The following NEGR1 variants were observed in gnomAD, a reference collection of about 807,000 sequenced individuals.
The protein encoded by NEGR1 is neuronal growth regulator 1.
NEGR1 carries 10 observed loss-of-function variants against 40.9 expected under a neutral mutation model. The ratio of observed to expected loss-of-function variants is 0.24; its 90% CI spans 0.15 to 0.42. NEGR1 has a LOEUF of 0.42. Among genes scored for constraint, NEGR1 ranks in the 10% least tolerant of loss-of-function variants. The pLI, the probability that NEGR1 is intolerant of heterozygous loss-of-function variation, is 1.00. For missense variants in NEGR1, 352 were observed against 438.9 expected, an observed-to-expected ratio of 0.80 and a Z score of 1.77; for synonymous variants, 185 against 166.8, an observed-to-expected ratio of 1.11 and a Z score of -0.84.
At position 71,403,333 on chromosome 1, in the gene NEGR1, C is replaced by T. The variant is rs1334663038; in HGVS notation, c.*4113G>A. ...TATACCCAGCTGTTAAGAAATTACA[C>T]TCTGCCTGGCTCTTACAAGCGTTTG... On this transcript the variant is annotated 3_prime_UTR_variant, in exon 7 of 7. Transcript: ENST00000357731. 2 of 152,040 alleles carry T rather than the reference C, an allele frequency of 1.3e-5. No homozygotes were observed. Among genetic ancestry groups the T allele is most frequent in the African/African-American group, 4.8e-5 (2 of 41,440 alleles). 9.4% of individuals were successfully genotyped at this position (152,040 alleles called of 1,614,324 possible). A position where few individuals can be genotyped will look rare whatever the true frequency, so the allele number is the denominator to read the frequency against.
intron 2 of NEGR1, among the ~76,000 whole-genome samples, chr1:71,831,886 G>A (rs1658854034): frequency 6.6e-6 from 1 of 151,902 alleles, no homozygotes; most frequent in Non-Finnish European, 1.5e-5. Context: ...GGCTGAGTGG[G>A]AGCCCTGGTT....
At chr1:71,549,333 G>A (rs1328326231) in intron 6 of NEGR1, among the ~76,000 whole-genome samples, 1 of 151,628 alleles carries the variant, frequency 6.6e-6, no homozygotes, top group Non-Finnish European at 1.5e-5. Context: ...TGTATTATCT[G>A]GAAAGAACAA....
chr1:71,903,286 C>T (rs1661188477), intron 2 of NEGR1, among the ~76,000 whole-genome samples: 3 of 151,996 alleles, frequency 2.0e-5, no homozygotes, highest in Admixed American at 1.3e-4. Context: ...TTAATAAATA[C>T]ATTTTTACTA....
At chr1:71,628,210 TGCCTTAGAGAA>T (rs1311609207) in intron 4 of NEGR1, among the ~76,000 whole-genome samples, 1 of 152,064 alleles carries the variant, frequency 6.6e-6, no homozygotes. Flanking sequence ...AAATGGTTCC[TGCCTTAGAGAA>T]GCTCAAGATT....
chr1:71,953,675 A>T (rs1186229269), intron 1 of NEGR1, among the ~76,000 whole-genome samples: 1 of 151,998 alleles, frequency 6.6e-6, no homozygotes. Context: ...CATTGTTGTC[A>T]TATTTTAATA....
chr1:71,969,359 T>C lies in NEGR1; in HGVS notation c.177-34048A>G, dbSNP rs566420329. 3.3e-5 allele frequency among the ~76,000 whole-genome samples: 5 copies of C among 152,356 alleles called. No homozygotes were observed. The East Asian group carries it at 9.6e-4, about 29-fold the overall frequency. ...TGTAGTTAGCGTGCATATACCATCA[T>C]GTTCTAAGAACTAAGATTCTTCTGT... On this transcript the variant is annotated intron_variant, in intron 1 of 6. Coordinates refer to ENST00000357731, the MANE Select transcript of NEGR1 (RefSeq NM_173808.3).
intron 2 of NEGR1, among the ~76,000 whole-genome samples, chr1:71,896,491 G>T (rs12081513): frequency 1.5e-4 from 23 of 152,142 alleles, no homozygotes; most frequent in Non-Finnish European, 2.6e-4. Context: ...CTCCCATTCT[G>T]CGTGTTATTT....
intron 3 of NEGR1, among the ~76,000 whole-genome samples, chr1:71,749,169 G>A (rs2101685326): frequency 6.6e-6 from 1 of 152,256 alleles, no homozygotes; most frequent in African/African-American, 2.4e-5. Context: ...ATATGGAAGA[G>A]GATGTTTAAC....
chr1:71,930,502 C>A (rs1347838710), intron 2 of NEGR1, among the ~76,000 whole-genome samples: 6 of 152,094 alleles, frequency 3.9e-5, no homozygotes, highest in Non-Finnish European at 8.8e-5. Flanking sequence ...CTACTCTTCT[C>A]TTGTTTATTT....
At chr1:71,813,689 G>T (rs1274461858) in intron 2 of NEGR1, among the ~76,000 whole-genome samples, 1 of 151,992 alleles carries the variant, frequency 6.6e-6, no homozygotes. Flanking sequence ...CATTCTCTTT[G>T]CAGCAATTGT....
chr1:71,680,309 G>A (rs889221646), intron 4 of NEGR1, among the ~76,000 whole-genome samples: 17 of 152,000 alleles, frequency 1.1e-4, no homozygotes, highest in South Asian at 2.1e-4. Context: ...ACATAGGATC[G>A]TTCTGATTTT....
intron 2 of NEGR1, among the ~76,000 whole-genome samples, chr1:71,827,404 T>C (rs531865198): frequency 5.2e-4 from 79 of 151,880 alleles, no homozygotes; most frequent in African/African-American, 1.8e-3. Context: ...AACAAGAATC[T>C]TGTCACACAA....
At chr1:71,820,013 T>C (rs1014681634) in intron 2 of NEGR1, among the ~76,000 whole-genome samples, 3 of 152,000 alleles carry the variant, frequency 2.0e-5, no homozygotes, top group African/African-American at 7.2e-5. Context: ...GATGTCAGTG[T>C]GGATAATAAG....
At chr1:72,143,114 T>C (rs1246798205) in intron 1 of NEGR1, among the ~76,000 whole-genome samples, 3 of 151,958 alleles carry the variant, frequency 2.0e-5, no homozygotes, top group African/African-American at 7.2e-5. Flanking sequence ...ATAAATTATT[T>C]CTCTGTTTTG....
chr1:71,898,983 T>TATATATATATATAGC (rs1661064696), intron 2 of NEGR1, among the ~76,000 whole-genome samples: 5 of 32,158 alleles, frequency 1.6e-4, no homozygotes, highest in African/African-American at 2.5e-4. Context: ...ATATATAGCA[T>TATATATATATATAGC]ATATATATAT....
chr1:71,960,346 T>C (rs1646155054), intron 1 of NEGR1, among the ~76,000 whole-genome samples: 2 of 152,210 alleles, frequency 1.3e-5, no homozygotes, highest in South Asian at 4.1e-4. Context: ...AAAAATGTTC[T>C]CCTAATTCCT....
At chr1:71,807,420 C>T (rs960172493) in intron 2 of NEGR1, among the ~76,000 whole-genome samples, 2 of 151,884 alleles carry the variant, frequency 1.3e-5, no homozygotes, top group Non-Finnish European at 2.9e-5. Flanking sequence ...CAATAAAACA[C>T]CCTGTGAAAA....
intron 6 of NEGR1, among the ~76,000 whole-genome samples, chr1:71,580,337 T>C (rs1649094014): frequency 2.0e-5 from 3 of 150,830 alleles, no homozygotes; most frequent in Admixed American, 2.0e-4. Context: ...GGGATAGCAT[T>C]GGGAGATATA....
At chr1:71,824,001 C>T (rs1658528598) in intron 2 of NEGR1, among the ~76,000 whole-genome samples, 1 of 151,986 alleles carries the variant, frequency 6.6e-6, no homozygotes, top group South Asian at 2.1e-4. Context: ...TCTACAGAAG[C>T]AATTCAATGA....
Sources: gnomAD v4.1 joint callset for allele counts (sites outside exome capture counted in the v4.1 genomes callset) on GRCh38, gnomAD v4.1.1 for gene constraint, MANE v1.5 for transcripts, NCBI Gene and HGNC (gene_info 2026-07-23, HGNC 2026-07-21) for gene names.